Variants in SAMD5 observed in about 807,000 individuals in gnomAD.
The protein encoded by SAMD5 is sterile alpha motif domain-containing protein 5.
SAMD5 carries 13 observed loss-of-function variants against 11.3 expected under a neutral mutation model. The observed-to-expected ratio is 1.15, with a 90% CI of 0.75 to 1.83. SAMD5 has a LOEUF of 1.83. Among genes scored for constraint, SAMD5 ranks in the 40% most tolerant of loss-of-function variants. The pLI is 0.00. For synonymous variants in SAMD5, 129 were observed against 111.3 expected (o/e 1.16, Z -1.00); for missense variants, 255 against 239.1 (o/e 1.07, Z -0.44).
chr6:147,855,131 A>G, the SAMD5 span, among the ~76,000 whole-genome samples: 2 of 152,184 alleles, frequency 1.3e-5, no homozygotes, highest in Non-Finnish European at 2.9e-5. Flanking sequence ...ATAAATGTTT[A>G]TTTATTGCTG....
At chr6:147,929,204 A>C in the SAMD5 span, among the ~76,000 whole-genome samples, 2 of 152,162 alleles carry the variant, frequency 1.3e-5, no homozygotes, top group East Asian at 3.9e-4. Context: ...AATGGGTTTA[A>C]ATATTCCCAA....
chr6:147,893,958 A>T, the SAMD5 span, among the ~76,000 whole-genome samples: 11 of 151,998 alleles, frequency 7.2e-5, no homozygotes, highest in Non-Finnish European at 1.6e-4. Context: ...TATCATGACT[A>T]TTTCTCCATG....
At chr6:147,816,301 A>AAATATATATAT in the SAMD5 span, among the ~76,000 whole-genome samples, 97 of 66,394 alleles carry the variant, frequency 1.5e-3, no homozygotes, top group Non-Finnish European at 1.7e-3. Flanking sequence ...AAAAAAAAAA[A>AAATATATATAT]ATATATATAT....
chr6:147,853,064 G>C, the SAMD5 span, among the ~76,000 whole-genome samples: 1 of 152,134 alleles, frequency 6.6e-6, no homozygotes, highest in Non-Finnish European at 1.5e-5. Flanking sequence ...TTTAATTCAA[G>C]CTTTGTTAGA....
At chr6:147,715,077 C>T (rs1583150432) in intron 1 of SAMD5, among the ~76,000 whole-genome samples, 1 of 152,148 alleles carries the variant, frequency 6.6e-6, no homozygotes, top group South Asian at 2.1e-4. Flanking sequence ...TACACTCTTT[C>T]CTGCAGTGGT....
chr6:147,912,014 G>T, the SAMD5 span, among the ~76,000 whole-genome samples: 1 of 152,214 alleles, frequency 6.6e-6, no homozygotes, highest in East Asian at 1.9e-4. Flanking sequence ...AAAAGAGTGT[G>T]TGCAAGCATG....
chr6:147,887,403 T>C, the SAMD5 span, among the ~76,000 whole-genome samples: 1 of 152,248 alleles, frequency 6.6e-6, no homozygotes, highest in Non-Finnish European at 1.5e-5. Flanking sequence ...ATTTGCATCT[T>C]CAAGAATTCT....
intron 1 of SAMD5, among the ~76,000 whole-genome samples, chr6:147,584,738 G>A (rs910026): frequency 0.081 from 12,256 of 152,244 alleles, 739 homozygotes; most frequent in Admixed American, 0.17. Flanking sequence ...AAATAAATGA[G>A]GGTATGTATT....
At chr6:147,857,300 C>T in the SAMD5 span, among the ~76,000 whole-genome samples, 6 of 149,790 alleles carry the variant, frequency 4.0e-5, no homozygotes, top group Non-Finnish European at 5.9e-5. Flanking sequence ...TCCAGGAGTT[C>T]GAGACCAGCC....
the SAMD5 span, among the ~76,000 whole-genome samples, chr6:147,930,774 A>AG: frequency 6.6e-6 from 1 of 152,196 alleles, no homozygotes; most frequent in Non-Finnish European, 1.5e-5. Flanking sequence ...GGAAGAGGAA[A>AG]GGGTACACTG....
At chr6:147,573,479 C>T (rs1377732581), downstream of SAMD5, among the ~76,000 whole-genome samples, 1 of 152,146 alleles carries the variant, frequency 6.6e-6, no homozygotes, top group Non-Finnish European at 1.5e-5. Context: ...GATCCAGCCA[C>T]CTCCCATGAG....
the SAMD5 span, among the ~76,000 whole-genome samples, chr6:147,890,848 C>T: frequency 2.0e-5 from 3 of 151,552 alleles, no homozygotes; most frequent in Non-Finnish European, 4.4e-5. Flanking sequence ...ATACTAATTG[C>T]ACATGTGCAT....
In SAMD5 at chr6:147,509,213, G is replaced by T. The variant is rs1448619191; in HGVS notation, c.285G>T (p.Arg95=). Residue 95 remains arginine, a synonymous_variant, in exon 1 of 2, where the codon CGG becomes CGT. Coordinates refer to ENST00000367474, the MANE Select transcript of SAMD5 (RefSeq NM_001030060.3). ...PPADAVPTGR[R]GEPCGGPAQG... ...CCGACGCCGTCCCCACCGGCCGCCG[G>T]GGGGAGCCGTGCGGCGGCCCGGCCC... 1 of 1,338,974 alleles carries T rather than the reference G, an allele frequency of 7.5e-7. No homozygotes were observed. The highest frequency in any genetic ancestry group is 3.6e-5 in the Admixed American group (1 of 28,112). The allele number at this position is 1,338,974 out of a possible 1,614,324, so 82.9% of individuals were successfully genotyped here.
At chr6:147,916,006 G>GT in the SAMD5 span, among the ~76,000 whole-genome samples, 9 of 150,290 alleles carry the variant, frequency 6.0e-5, no homozygotes, top group East Asian at 2.0e-4. Context: ...GCGGTGTTTG[G>GT]TTTTTTTGTC....
At position 147,531,155 on chromosome 6, in the gene SAMD5, G is replaced by GT. The variant is rs59924294; in HGVS notation, c.459+21784dup. ...GGATTTAAAAATGATAGTCTTAAAA[G>GT]TTTTTTTTTTTTTTTTGTCAATTTT... On this transcript the variant is annotated intron_variant, in intron 1 of 1. Transcript: ENST00000367474. Among the ~76,000 whole-genome samples the GT allele has an allele frequency of 2.7e-3, 393 of 143,932 alleles. 1 individual carries two copies. Among genetic ancestry groups the GT allele is most frequent in the Middle Eastern group, 3.6e-3 (1 of 274 alleles). 94.4% of individuals were successfully genotyped at this position (143,932 alleles called of 152,430 possible).
the SAMD5 span, among the ~76,000 whole-genome samples, chr6:147,803,449 C>A: frequency 6.6e-6 from 1 of 152,192 alleles, no homozygotes; most frequent in East Asian, 1.9e-4. Context: ...TGTCTTCCTT[C>A]ATGCTGAAGA....
rs987978023 is a variant in SAMD5, at chr6:147,661,640, A to G, written c.163-75677A>G. On this transcript the variant is annotated intron_variant, in intron 1 of 1. Transcript: ENST00000566741. ...TTTGTGTTTGTTTGTTTATTTATTT[A>G]TTTATTTGAGATGGAGTCTCTCACT... Among the ~76,000 whole-genome samples the G allele has an allele frequency of 4.6e-5, 7 of 152,064 alleles. No individual in the cohort carries two copies. In the South Asian group the frequency reaches 8.3e-4, roughly 18 times the overall value.
At chr6:147,951,243 G>C in the SAMD5 span, among the ~76,000 whole-genome samples, 5 of 150,380 alleles carry the variant, frequency 3.3e-5, no homozygotes, top group East Asian at 7.9e-4. Flanking sequence ...GTGCAGTGGC[G>C]CGATCTCGGC....
the SAMD5 span, among the ~76,000 whole-genome samples, chr6:147,887,523 T>G: frequency 6.6e-6 from 1 of 152,240 alleles, no homozygotes; most frequent in Non-Finnish European, 1.5e-5. Flanking sequence ...ATTTCTTTTT[T>G]TATTATTGAA....
Sources: allele counts gnomAD v4.1 joint callset (sites outside exome capture counted in the v4.1 genomes callset), GRCh38; gene constraint gnomAD v4.1.1; transcripts MANE v1.5; gene names NCBI Gene and HGNC (gene_info 2026-07-23, HGNC 2026-07-21).